EPB41L4B: variants seen among roughly 807,000 people sequenced by gnomAD.
EPB41L4B encodes the protein band 4.1-like protein 4B.
Under a neutral mutation model 112.5 loss-of-function variants are expected in EPB41L4B, and 30 were observed. The ratio of observed to expected loss-of-function variants is 0.27; its 90% CI spans 0.20 to 0.36. The LOEUF is 0.36. Ranked by LOEUF, EPB41L4B falls within the 10% of genes least tolerant of loss-of-function variation. The pLI, the probability that EPB41L4B is intolerant of heterozygous loss-of-function variation, is 1.00. For synonymous variants in EPB41L4B, 408 were observed against 439.7 expected (o/e 0.93, Z 0.90); for missense variants, 1,024 against 1,133.3 (o/e 0.90, Z 1.38).
At chr9:109,192,400 T>C (rs1377672826) in intron 21 of EPB41L4B, 45 bp from the exon 22 acceptor site, 2 of 1,466,392 alleles carry the variant, frequency 1.4e-6, no homozygotes, top group Non-Finnish European at 1.9e-6. Context: ...GGCACTGCAT[T>C]GATGATAAAG....
intron 19 of EPB41L4B, among the ~76,000 whole-genome samples, 174 bp from the exon 20 acceptor site, chr9:109,200,508 A>G (rs1398262421): frequency 2.0e-5 from 3 of 152,186 alleles, no homozygotes; most frequent in African/African-American, 7.2e-5. Context: ...ATATTTTAAA[A>G]CCATAGAAAA....
chr9:109,214,825 A>G (rs1051422947), intron 16 of EPB41L4B, among the ~76,000 whole-genome samples: 2 of 152,188 alleles, frequency 1.3e-5, no homozygotes, highest in African/African-American at 4.8e-5. Context: ...GACAGTGAAG[A>G]GCTAATGAAA....
chr9:109,317,389 A>G (rs980772553), intron 1 of EPB41L4B, among the ~76,000 whole-genome samples: 1 of 152,144 alleles, frequency 6.6e-6, no homozygotes, highest in African/African-American at 2.4e-5. Context: ...AGAATAAAAG[A>G]AACGTGTTTT....
intron 22 of EPB41L4B, among the ~76,000 whole-genome samples, chr9:109,190,103 G>A (rs1832409397): frequency 6.6e-6 from 1 of 152,084 alleles, no homozygotes; most frequent in South Asian, 2.1e-4. Context: ...GCTCGGCTAG[G>A]TTACGCTGGT....
At chr9:109,187,629 A>AT (rs1291087618) in intron 22 of EPB41L4B, among the ~76,000 whole-genome samples, 1 of 152,056 alleles carries the variant, frequency 6.6e-6, no homozygotes, top group African/African-American at 2.4e-5. Context: ...CCATACTCCA[A>AT]CCAGAAACAA....
At chr9:109,281,730 TAATTAA>T (rs1836065829) in intron 1 of EPB41L4B, among the ~76,000 whole-genome samples, 1 of 83,238 alleles carries the variant, frequency 1.2e-5, no homozygotes, top group Non-Finnish European at 2.4e-5. Flanking sequence ...ATAAATTAAT[TAATTAA>T]TTTTAAAAAA....
intron 15 of EPB41L4B, among the ~76,000 whole-genome samples, chr9:109,237,340 C>G (rs1309889065): frequency 6.6e-6 from 1 of 152,186 alleles, no homozygotes; most frequent in Non-Finnish European, 1.5e-5. Context: ...AATCAAATGA[C>G]AACTGTCAAT....
intron 4 of EPB41L4B, among the ~76,000 whole-genome samples, chr9:109,266,658 T>C (rs1272695069): frequency 1.3e-5 from 2 of 152,046 alleles, no homozygotes; most frequent in African/African-American, 4.8e-5. Flanking sequence ...GACATAGACA[T>C]GGGCAAACAA....
chr9:109,203,439 T>C (rs1832898792), intron 19 of EPB41L4B, among the ~76,000 whole-genome samples: 1 of 152,240 alleles, frequency 6.6e-6, no homozygotes, highest in Non-Finnish European at 1.5e-5. Context: ...GATTGATTTC[T>C]TTGTTAATGC....
intron 15 of EPB41L4B, among the ~76,000 whole-genome samples, chr9:109,220,384 T>TA: frequency 6.6e-6 from 1 of 152,268 alleles, no homozygotes; most frequent in Non-Finnish European, 1.5e-5. Flanking sequence ...GGAAAGGGCT[T>TA]AAGCAAGGGA....
chr9:109,311,980 C>T (rs1348076907), intron 1 of EPB41L4B, among the ~76,000 whole-genome samples: 1 of 152,182 alleles, frequency 6.6e-6, no homozygotes, highest in Non-Finnish European at 1.5e-5. Flanking sequence ...CGTAAGTGAT[C>T]AGGTGCTTTG....
At chr9:109,312,645 A>G (rs7023779) in intron 1 of EPB41L4B, among the ~76,000 whole-genome samples, 57 of 152,226 alleles carry the variant, frequency 3.7e-4, no homozygotes, top group African/African-American at 1.4e-3. Flanking sequence ...TTCCTCTACA[A>G]ATCAGGAATA....
chr9:109,194,208 A>G lies in EPB41L4B; in HGVS notation c.2223+12T>C, dbSNP rs1564256375. On this transcript the variant is annotated intron_variant, in intron 21 of 25. Coordinates refer to ENST00000374566, the MANE Select transcript of EPB41L4B (RefSeq NM_019114.5). The stretch of plus-strand genomic sequence containing the variant: ...GTGTGGCTGCTCGCCAGGGCTTTCC[A>G]CCCCCCAATACCTTGGCCCCAGGGG... 5 of 1,605,472 alleles carry G rather than the reference A, an allele frequency of 3.1e-6. No individual in the cohort carries two copies. The highest frequency in any genetic ancestry group is 4.3e-6 in the Non-Finnish European group (5 of 1,174,200).
At chr9:109,197,145 A>C (rs1832669454) in intron 20 of EPB41L4B, among the ~76,000 whole-genome samples, 2 of 152,226 alleles carry the variant, frequency 1.3e-5, no homozygotes, top group Non-Finnish European at 2.9e-5. Context: ...GGCAAAGGCC[A>C]GGTGTGGTGG....
At chr9:109,184,042 T>C (rs986364791) in intron 23 of EPB41L4B, among the ~76,000 whole-genome samples, 1 of 152,232 alleles carries the variant, frequency 6.6e-6, no homozygotes, top group African/African-American at 2.4e-5. Flanking sequence ...ATTGCCAGAA[T>C]AGGCCTGAAA....
chr9:109,308,046 C>T (rs1837280623), intron 1 of EPB41L4B, among the ~76,000 whole-genome samples: 1 of 152,122 alleles, frequency 6.6e-6, no homozygotes, highest in African/African-American at 2.4e-5. Context: ...TCCAACGGTT[C>T]CCTCAGAGGC....
intron 18 of EPB41L4B, among the ~76,000 whole-genome samples, chr9:109,207,342 C>T (rs764970300): frequency 2.2e-4 from 34 of 151,960 alleles, no homozygotes; most frequent in African/African-American, 3.4e-4. Flanking sequence ...GGCTGAGGCG[C>T]GAGGATTGCT....
chr9:109,245,275 G>A (rs1834510381), intron 14 of EPB41L4B, among the ~76,000 whole-genome samples: 2 of 152,208 alleles, frequency 1.3e-5, no homozygotes, highest in African/African-American at 4.8e-5. Context: ...GAGAAAGGCT[G>A]ACCTAGAACT....
chr9:109,307,021 T>A (rs1024859600), intron 1 of EPB41L4B, among the ~76,000 whole-genome samples: 1 of 151,212 alleles, frequency 6.6e-6, no homozygotes, highest in African/African-American at 2.4e-5. Flanking sequence ...AGTTGTTTTT[T>A]TTTTTTTTTT....
Sources: gnomAD v4.1 joint callset for allele counts (sites outside exome capture counted in the v4.1 genomes callset) on GRCh38, gnomAD v4.1.1 for gene constraint, MANE v1.5 for transcripts, NCBI Gene and HGNC (gene_info 2026-07-23, HGNC 2026-07-21) for gene names.